The following MICU1 variants were observed in gnomAD, a reference collection of about 807,000 sequenced individuals.
MICU1 encodes mitochondrial calcium uptake 1, also known as calcium uptake protein 1, mitochondrial.
Under a neutral mutation model 56.8 loss-of-function variants are expected in MICU1, and 45 were observed. That is an observed-to-expected ratio of 0.79 (90% CI 0.62 to 1.02). The LOEUF is 1.02. MICU1 is among the 50% of genes least tolerant of loss of function. MICU1 has a pLI of 0.00. For synonymous variants in MICU1, 186 were observed against 195.1 expected (o/e 0.95, Z 0.39); for missense variants, 504 against 587.1 (o/e 0.86, Z 1.46).
chr10:72,452,831 C>CTCTCCTCTCAGGAGAGGAGT (rs1865340233), intron 8 of MICU1, among the ~76,000 whole-genome samples: 1 of 152,168 alleles, frequency 6.6e-6, no homozygotes, highest in Non-Finnish European at 1.5e-5. Flanking sequence ...TATTCATTTA[C>CTCTCCTCTCAGGAGAGGAGT]TAAAATCATA....
chr10:72,406,772 A>C lies in MICU1; in HGVS notation c.1180+1157T>G, dbSNP rs1010342188. Among the ~76,000 whole-genome samples the C allele has an allele frequency of 2.0e-5, 3 of 152,002 alleles. No homozygotes were observed. The East Asian group carries it at 5.8e-4, about 29-fold the overall frequency. ...CTTCCGAGTAGCTGGGACTACAGGCATACACCACCACGCCTGGCTAATTTT... is the reference window on the plus strand; with the variant it reads ...CTTCCGAGTAGCTGGGACTACAGGCCTACACCACCACGCCTGGCTAATTTT... On this transcript the variant is annotated intron_variant, in intron 10 of 11. Transcript: ENST00000361114.
At chr10:72,453,961 G>A (rs1865376434) in intron 8 of MICU1, among the ~76,000 whole-genome samples, 1 of 151,950 alleles carries the variant, frequency 6.6e-6, no homozygotes, top group South Asian at 2.1e-4. Flanking sequence ...TCAGCCTCCT[G>A]AGTAGCTGGG....
At chr10:72,414,016 C>A (rs1007161835) in intron 9 of MICU1, among the ~76,000 whole-genome samples, 1 of 152,112 alleles carries the variant, frequency 6.6e-6, no homozygotes, top group African/African-American at 2.4e-5. Context: ...CTGGAACTCT[C>A]GTATATTCAC....
chr10:72,533,976 C>T (rs758238997), intron 4 of MICU1, among the ~76,000 whole-genome samples, 187 bp from the exon 5 acceptor site: 12 of 152,116 alleles, frequency 7.9e-5, no homozygotes, highest in Non-Finnish European at 1.5e-4. Context: ...GATACCAACC[C>T]TTTTATTTTA....
intron 1 of MICU1, among the ~76,000 whole-genome samples, chr10:72,569,112 G>A (rs1589350944): frequency 1.3e-5 from 2 of 148,818 alleles, no homozygotes; most frequent in South Asian, 2.1e-4. Flanking sequence ...ATCCCTATGT[G>A]AGACCCAGAA....
At chr10:72,421,400 G>T (rs1392902007) in intron 9 of MICU1, among the ~76,000 whole-genome samples, 1 of 152,082 alleles carries the variant, frequency 6.6e-6, no homozygotes, top group African/African-American at 2.4e-5. Context: ...TCAGCCTCCT[G>T]AGTAGCTGAG....
At chr10:72,432,528 G>A (rs1438024205) in intron 8 of MICU1, among the ~76,000 whole-genome samples, 1 of 152,170 alleles carries the variant, frequency 6.6e-6, no homozygotes, top group Non-Finnish European at 1.5e-5. Context: ...GGTTCTGCAG[G>A]CTATAGGGGA....
chr10:72,459,223 T>C lies in MICU1; in HGVS notation c.933+15877A>G, dbSNP rs369745624. Among the ~76,000 whole-genome samples the C allele has an allele frequency of 2.1e-3, 315 of 152,044 alleles. 1 individual carries two copies. Among genetic ancestry groups the C allele is most frequent in the African/African-American group, 7.2e-3 (297 of 41,492 alleles). ...GCGCATGTCTATAGTCTCAACTACT[T>C]GGGAGGCTGAGGCAGGAGCATTGCT... is the stretch of plus-strand genomic sequence containing the variant. On this transcript the variant is annotated intron_variant, in intron 8 of 11. Coordinates refer to ENST00000361114, the MANE Select transcript of MICU1 (RefSeq NM_001195518.2).
At chr10:72,494,870 C>A (rs551781672) in intron 6 of MICU1, among the ~76,000 whole-genome samples, 1 of 150,778 alleles carries the variant, frequency 6.6e-6, no homozygotes, top group African/African-American at 2.5e-5. Flanking sequence ...AACAAAAAAC[C>A]ATGTATAATT....
At chr10:72,564,949 A>G (rs563129736) in intron 2 of MICU1, among the ~76,000 whole-genome samples, 11 of 152,222 alleles carry the variant, frequency 7.2e-5, no homozygotes, top group South Asian at 2.1e-4. Context: ...GGCATTTAGT[A>G]ACATCCCAGA....
At chr10:72,456,755 C>A (rs1254478132) in intron 8 of MICU1, among the ~76,000 whole-genome samples, 2 of 152,026 alleles carry the variant, frequency 1.3e-5, no homozygotes, top group Admixed American at 1.3e-4. Flanking sequence ...GTGGCACAAT[C>A]CCAACTCACT....
chr10:72,491,326 CTATT>C (rs753344633), intron 6 of MICU1, among the ~76,000 whole-genome samples: 2 of 152,140 alleles, frequency 1.3e-5, no homozygotes, highest in Non-Finnish European at 2.9e-5. Flanking sequence ...TGGAAAGAAA[CTATT>C]TAAGAAAACA....
At position 72,377,425 on chromosome 10, in the gene MICU1, G is replaced by A. The variant is rs371490404; in HGVS notation, c.1181-1553C>T. Among the ~76,000 whole-genome samples the A allele has an allele frequency of 1.4e-4, 21 of 151,966 alleles. No homozygotes were observed. In the South Asian group the frequency reaches 2.9e-3, roughly 21 times the overall value. ...GTGAGCCACCACACTCAGCGGGCCCGGCCAATAGTTCAGGATGCATATCTT... is the reference window on the plus strand; with the variant it reads ...GTGAGCCACCACACTCAGCGGGCCCAGCCAATAGTTCAGGATGCATATCTT... On this transcript the variant is annotated intron_variant, in intron 10 of 11. Transcript: ENST00000361114.
intron 1 of MICU1, among the ~76,000 whole-genome samples, chr10:72,612,843 C>A (rs534431736): frequency 2.0e-5 from 3 of 150,654 alleles, no homozygotes; most frequent in African/African-American, 7.3e-5. Context: ...AATGCATACT[C>A]CACTGGTAAA....
chr10:72,492,369 G>A (rs1465421612), intron 6 of MICU1, among the ~76,000 whole-genome samples: 1 of 152,204 alleles, frequency 6.6e-6, no homozygotes, highest in African/African-American at 2.4e-5. Context: ...ATGGGTAGTA[G>A]TAGCGAGTGT....
intron 2 of MICU1, 70 bp downstream of exon 2, chr10:72,566,563 C>T (rs1840443708): frequency 1.4e-6 from 2 of 1,466,330 alleles, no homozygotes; most frequent in Non-Finnish European, 1.8e-6. Flanking sequence ...AAATCAACTC[C>T]TTTCTGACAA....
At chr10:72,424,136 C>T (rs1005262954) in intron 8 of MICU1, among the ~76,000 whole-genome samples, 6 of 148,138 alleles carry the variant, frequency 4.1e-5, no homozygotes, top group South Asian at 2.1e-4. Context: ...TTTTTTAAGA[C>T]GGAGTTTCAC....
chr10:72,421,016 A>AAAAAAAAT (rs1554865354), intron 9 of MICU1, among the ~76,000 whole-genome samples: 1 of 124,136 alleles, frequency 8.1e-6, no homozygotes, highest in Admixed American at 8.6e-5. Flanking sequence ...AAAAAAAAAA[A>AAAAAAAAT]AATAATAATA....
chr10:72,517,928 T>C (rs996131826), intron 5 of MICU1, among the ~76,000 whole-genome samples: 4 of 152,150 alleles, frequency 2.6e-5, no homozygotes, highest in Admixed American at 6.5e-5. Context: ...TGGAGGCATA[T>C]TCCAAGGAGA....
Sources: allele counts gnomAD v4.1 joint callset (sites outside exome capture counted in the v4.1 genomes callset), GRCh38; gene constraint gnomAD v4.1.1; transcripts MANE v1.5; gene names NCBI Gene and HGNC (gene_info 2026-07-23, HGNC 2026-07-21).